The following TSNAX variants were observed in gnomAD, a reference collection of about 807,000 sequenced individuals.
TSNAX encodes the protein translin-associated protein X.
In TSNAX, 12 loss-of-function variants were observed where a neutral mutation model predicts 33.0. That is an observed-to-expected ratio of 0.36 (90% CI 0.23 to 0.59). The LOEUF is 0.59. Among genes scored for constraint, TSNAX ranks in the 20% least tolerant of loss-of-function variants. The pLI, the probability that TSNAX is intolerant of heterozygous loss-of-function variation, is 0.74. For missense variants in TSNAX, 267 were observed against 341.3 expected, an observed-to-expected ratio of 0.78 and a Z score of 1.72; for synonymous variants, 110 against 117.2, an observed-to-expected ratio of 0.94 and a Z score of 0.40.
At chr1:231,536,740 G>A (rs897891732) in intron 2 of TSNAX, 3 of 152,048 alleles carry the variant, frequency 2.0e-5, no homozygotes, top group Middle Eastern at 3.2e-3. Flanking sequence ...ACCTTTTTGT[G>A]TTTTGAGAAT....
In TSNAX at chr1:231,566,285, G is replaced by A. The variant is rs991405425; in HGVS notation, c.*1380G>A. On this transcript the variant is annotated 3_prime_UTR_variant, in exon 6 of 6. Coordinates refer to ENST00000366639, the MANE Select transcript of TSNAX (RefSeq NM_005999.3). ...ACAGTTGAGAATAACAATGGTAATCGTTAGTAATATTTAGAATTGGAATTT... is the reference window on the plus strand; with the variant it reads ...ACAGTTGAGAATAACAATGGTAATCATTAGTAATATTTAGAATTGGAATTT... 2.6e-5 allele frequency: 4 copies of A among 152,494 alleles called. No homozygotes were observed. Among genetic ancestry groups the A allele is most frequent in the East Asian group, 1.9e-4 (1 of 5,188 alleles). 9.4% of individuals were successfully genotyped at this position (152,494 alleles called of 1,614,324 possible).
chr1:231,541,712 G>T (rs1290717064), intron 3 of TSNAX, among the ~76,000 whole-genome samples: 1 of 152,040 alleles, frequency 6.6e-6, no homozygotes, highest in Non-Finnish European at 1.5e-5. Context: ...ATTTTTTGTA[G>T]TGTCAATCTG....
chr1:231,552,287 A>G (rs1412629343), intron 4 of TSNAX, among the ~76,000 whole-genome samples: 1 of 151,696 alleles, frequency 6.6e-6, no homozygotes, highest in African/African-American at 2.4e-5. Flanking sequence ...AGGTTGTCTC[A>G]GAAAAAAAAC....
chr1:231,551,448 GA>G (rs1660287749), intron 4 of TSNAX, among the ~76,000 whole-genome samples: 1 of 152,120 alleles, frequency 6.6e-6, no homozygotes, highest in African/African-American at 2.4e-5. Flanking sequence ...TTTAGCATGA[GA>G]ACATTAATAG....
intron 3 of TSNAX, 61 bp downstream of exon 3, chr1:231,537,388 CTT>C (rs1377940422): frequency 1.2e-5 from 14 of 1,138,730 alleles, no homozygotes; most frequent in Admixed American, 2.0e-5. Flanking sequence ...TATTCTGTGA[CTT>C]TGTGAGGATT....
chr1:231,536,615 A>T (rs556369143), intron 2 of TSNAX: 8 of 152,340 alleles, frequency 5.3e-5, no homozygotes, highest in African/African-American at 1.9e-4. Context: ...AAGGTTTAGA[A>T]ATCTGGGAAC....
At chr1:231,533,672 C>T (rs573195055) in intron 2 of TSNAX, among the ~76,000 whole-genome samples, 25 of 152,250 alleles carry the variant, frequency 1.6e-4, no homozygotes, top group African/African-American at 4.8e-4. Flanking sequence ...AAAAATAGTA[C>T]AGAGAATTTC....
chr1:231,536,547 A>G (rs1659189102), intron 2 of TSNAX: 1 of 152,206 alleles, frequency 6.6e-6, no homozygotes, highest in African/African-American at 2.4e-5. Context: ...GGATTCAGGA[A>G]TTTGTGAGCT....
intron 4 of TSNAX, among the ~76,000 whole-genome samples, chr1:231,557,440 T>A (rs1660765908): frequency 6.6e-6 from 1 of 152,198 alleles, no homozygotes; most frequent in South Asian, 2.1e-4. Flanking sequence ...TCTTATTTAT[T>A]ATGGTAATCT....
intron 3 of TSNAX, among the ~76,000 whole-genome samples, chr1:231,541,962 C>G (rs992097423): frequency 6.6e-6 from 1 of 152,140 alleles, no homozygotes; most frequent in African/African-American, 2.4e-5. Flanking sequence ...CCAAAACTCC[C>G]AACTCCTTTT....
rs763559531 is a variant in TSNAX at position 231,564,960 on chromosome 1, G to C, written c.*55G>C. The C allele has an allele frequency of 2.7e-5, 42 of 1,547,336 alleles. No homozygotes were observed. The Middle Eastern group carries it at 8.4e-4, about 31-fold the overall frequency. On this transcript the variant is annotated 3_prime_UTR_variant, in exon 6 of 6. Coordinates refer to ENST00000366639, the MANE Select transcript of TSNAX (RefSeq NM_005999.3). ...TTGAGAACTCCTAAGAGACCAATTT[G>C]TAAGACTTATTTAGTATTTCATTTA...
intron 2 of TSNAX, among the ~76,000 whole-genome samples, chr1:231,533,706 C>G (rs1306691920): frequency 1.3e-5 from 2 of 152,068 alleles, no homozygotes; most frequent in African/African-American, 4.8e-5. Flanking sequence ...CTTAGATTGA[C>G]CAATTTTTAA....
At chr1:231,560,562 CT>C (rs1661036124) in intron 4 of TSNAX, among the ~76,000 whole-genome samples, 1 of 151,250 alleles carries the variant, frequency 6.6e-6, no homozygotes, top group Non-Finnish European at 1.5e-5. Flanking sequence ...TTACGGGCTC[CT>C]GCCACCACAC....
Position 231,537,243 on chromosome 1 carries a change from A to T in TSNAX, c.152A>T (p.Asp51Val). The T allele has an allele frequency of 6.2e-7, 1 of 1,613,268 alleles. No individual in the cohort carries two copies. The highest frequency in any genetic ancestry group is 1.1e-5 in the South Asian group (1 of 90,924). Residue 51 changes from aspartate to valine, a missense_variant, in exon 3 of 6, where the codon GAC becomes GTC. Transcript: ENST00000366639. ...SFQQELDARH[D>V]KYERLVKLSR... ...CAGCAGGAACTTGATGCAAGGCATG[A>T]CAAATATGAGAGACTTGTGAAACTT...
chr1:231,528,926 G>T, intron 1 of TSNAX, 100 bp downstream of exon 1: 1 of 1,490,620 alleles, frequency 6.7e-7, no homozygotes. Context: ...GGATGCCTTC[G>T]TCCCTTGTAG....
intron 4 of TSNAX, among the ~76,000 whole-genome samples, chr1:231,558,778 T>A (rs1660852684): frequency 6.6e-6 from 1 of 152,118 alleles, no homozygotes; most frequent in South Asian, 2.1e-4. Flanking sequence ...TAATTAAAAA[T>A]ATTTTTAATT....
intron 4 of TSNAX, among the ~76,000 whole-genome samples, chr1:231,554,236 C>T (rs1660541844): frequency 6.6e-6 from 1 of 152,020 alleles, no homozygotes; most frequent in South Asian, 2.1e-4. Flanking sequence ...TGAACACTAA[C>T]CTTGTTAGAA....
rs201798398 is a variant in TSNAX, at chr1:231,529,256, A to C, written c.18A>C (p.Gly6=). Residue 6 remains glycine, a splice_region_variant and synonymous_variant, in exon 2 of 6, where the codon GGA becomes GGC. Transcript: ENST00000366639. ...CTCTTTTTTTCTTCTCTATATAAGG[A>C]TCAGGAGGGTTCAGGAAAAGGAAGC... MSNKE[G]SGGFRKRKHD... The C allele has an allele frequency of 1.9e-6, 3 of 1,613,842 alleles. No homozygotes were observed. The highest frequency in any genetic ancestry group is 1.7e-6 in the Non-Finnish European group (2 of 1,180,010).
intron 5 of TSNAX, among the ~76,000 whole-genome samples, chr1:231,562,534 T>C (rs1441312572): frequency 2.0e-5 from 3 of 152,160 alleles, no homozygotes; most frequent in African/African-American, 7.2e-5. Flanking sequence ...TATTTGACCC[T>C]GCTTCTCACG....
Sources: gnomAD v4.1 joint callset for allele counts (sites outside exome capture counted in the v4.1 genomes callset) on GRCh38, gnomAD v4.1.1 for gene constraint, MANE v1.5 for transcripts, NCBI Gene and HGNC (gene_info 2026-07-23, HGNC 2026-07-21) for gene names.